The following DNAH9 variants were observed in gnomAD, a reference collection of about 807,000 sequenced individuals.
DNAH9 encodes dynein axonemal heavy chain 9, also known as DNAH9 variant protein.
In DNAH9, 345 loss-of-function variants were observed where a neutral mutation model predicts 471.6. The ratio of observed to expected loss-of-function variants is 0.73; its 90% CI spans 0.67 to 0.80. DNAH9 has a LOEUF of 0.80. DNAH9 is among the 30% of genes least tolerant of loss of function. DNAH9 has a pLI of 0.00. For synonymous variants in DNAH9, 2,093 were observed against 2,123.6 expected, an observed-to-expected ratio of 0.99 and a Z score of 0.40; for missense variants, 5,407 against 5,609.2, an observed-to-expected ratio of 0.96 and a Z score of 1.15.
chr17:11,956,208 CA>C (rs1975630105), intron 67 of DNAH9, among the ~76,000 whole-genome samples: 1 of 152,008 alleles, frequency 6.6e-6, no homozygotes, highest in Non-Finnish European at 1.5e-5. Flanking sequence ...ATATAAAAAT[CA>C]AACTAACTAT....
In DNAH9 at chr17:11,742,169, A is replaced by G; in HGVS notation, c.5973-6A>G. On this transcript the variant is annotated splice_region_variant and splice_polypyrimidine_tract_variant and intron_variant, in intron 29 of 68. Transcript: ENST00000262442. ...CTGACTGGGCCTTCTGTCTTTCTAT[A>G]CTCAGGCCTTGTGCAATGGTGGTTC... is the stretch of plus-strand genomic sequence containing the variant. 1.2e-6 allele frequency: 2 copies of G among 1,613,798 alleles called. No individual in the cohort carries two copies. The highest frequency in any genetic ancestry group is 1.7e-6 in the Non-Finnish European group (2 of 1,179,816).
intron 48 of DNAH9, among the ~76,000 whole-genome samples, chr17:11,827,237 G>A (rs1402689052): frequency 6.6e-6 from 1 of 152,160 alleles, no homozygotes; most frequent in Non-Finnish European, 1.5e-5. Context: ...ACTATGTGAG[G>A]CCATTCTTGC....
chr17:11,705,578 A>T (rs944649610), intron 26 of DNAH9: 6 of 177,544 alleles, frequency 3.4e-5, no homozygotes, highest in African/African-American at 1.4e-4. Context: ...TAACGTTGGG[A>T]GGGAGAGTAG....
intron 51 of DNAH9, among the ~76,000 whole-genome samples, chr17:11,871,324 A>G (rs1173926521): frequency 1.3e-5 from 2 of 152,230 alleles, no homozygotes; most frequent in Non-Finnish European, 2.9e-5. Context: ...CAACCCTTTG[A>G]TTAAGTGGTA....
intron 43 of DNAH9, among the ~76,000 whole-genome samples, chr17:11,800,890 A>G (rs1363234339): frequency 6.6e-6 from 1 of 152,178 alleles, no homozygotes; most frequent in Non-Finnish European, 1.5e-5. Flanking sequence ...ACTGCTTAGC[A>G]TGTTATATGA....
chr17:11,948,292 G>C (rs1172454436), intron 67 of DNAH9, among the ~76,000 whole-genome samples: 1 of 133,024 alleles, frequency 7.5e-6, no homozygotes, highest in Non-Finnish European at 1.5e-5. Context: ...GCAGTGACAC[G>C]ATCTCGGCTC....
chr17:11,641,810 T>C (rs2073278699), intron 10 of DNAH9, among the ~76,000 whole-genome samples: 1 of 152,196 alleles, frequency 6.6e-6, no homozygotes, highest in Admixed American at 6.5e-5. Flanking sequence ...CAGGAATTTA[T>C]AGAGATCCTT....
chr17:11,803,043 G>A lies in DNAH9; in HGVS notation c.8421-4689G>A, dbSNP rs996962033. 5.3e-5 allele frequency among the ~76,000 whole-genome samples: 8 copies of A among 152,312 alleles called. No homozygotes were observed. The South Asian group carries it at 1.0e-3, about 20-fold the overall frequency. ...TTAGGATATTAAGAATGCCTGCATC[G>A]TAGGGTTGTTGCTATCTATGCAAAG... On this transcript the variant is annotated intron_variant, in intron 43 of 68. Transcript: ENST00000262442.
chr17:11,723,243 C>G (rs1344207817), intron 27 of DNAH9: 2 of 152,254 alleles, frequency 1.3e-5, no homozygotes, highest in Non-Finnish European at 2.9e-5. Flanking sequence ...GATTCCCCAC[C>G]ATCAGGAAGG....
At chr17:11,618,033 C>G (rs1370161853) in intron 5 of DNAH9, among the ~76,000 whole-genome samples, 1 of 152,174 alleles carries the variant, frequency 6.6e-6, no homozygotes, top group African/African-American at 2.4e-5. Context: ...CACTTCTGTG[C>G]CAGGACAAAT....
intron 49 of DNAH9, among the ~76,000 whole-genome samples, chr17:11,848,375 A>C (rs113791880): frequency 6.6e-6 from 1 of 152,152 alleles, no homozygotes; most frequent in African/African-American, 2.4e-5. Context: ...AATTAAACCA[A>C]TATTGTGATC....
rs1478870504 is a variant in DNAH9 at position 11,598,613 on chromosome 17, G to T, written c.115G>T (p.Ala39Ser). ...GTYVAMSLRP[A>S]AGAWERCAGS... ...CTACGTGGCCATGAGCCTGCGGCCG[G>T]CTGCGGGCGCCTGGGAGCGTTGCGC... The change falls in exon 1 of 69, where the codon GCT (alanine) becomes TCT (serine). Residue 39 changes from alanine to serine, a missense_variant. Coordinates refer to ENST00000262442, the MANE Select transcript of DNAH9 (RefSeq NM_001372.4). The T allele has an allele frequency of 1.5e-6, 2 of 1,343,778 alleles. No individual in the cohort carries two copies. Among genetic ancestry groups the T allele is most frequent in the Non-Finnish European group, 1.9e-6 (2 of 1,052,092 alleles). 83.2% of individuals were successfully genotyped at this position (1,343,778 alleles called of 1,614,324 possible).
At position 11,679,928 on chromosome 17, in the gene DNAH9, G is replaced by A. The variant is rs8070788; in HGVS notation, c.3525G>A (p.Leu1175=). The change falls in exon 18 of 69, where the codon TTG becomes TTA. Residue 1175 remains leucine, a synonymous_variant. Coordinates refer to ENST00000262442, the MANE Select transcript of DNAH9 (RefSeq NM_001372.4). ...AGCCCTTAAAGCAGACTATTGAATT[G>A]CTGAAGACCTATGAACAAGAATTGC... ...MFEPLKQTIE[L]LKTYEQELPE... is the part of the protein sequence containing the mutation. 3,247 of 1,614,096 alleles carry A rather than the reference G, an allele frequency of 2.0e-3. 74 individuals carry two copies. The African/African-American group carries it at 0.039, about 19-fold the overall frequency.
At chr17:11,810,432 G>C in intron 45 of DNAH9, 63 bp downstream of exon 45, 1 of 1,560,280 alleles carries the variant, frequency 6.4e-7, no homozygotes, top group Non-Finnish European at 8.7e-7. Context: ...GTTATACAAA[G>C]GTGAAGATTT....
Position 11,680,879 on chromosome 17 carries a change from G to A in DNAH9, c.3733G>A (p.Ala1245Thr), listed in dbSNP as rs961550357. The A allele has an allele frequency of 1.9e-6, 3 of 1,610,648 alleles. No individual in the cohort carries two copies. Among genetic ancestry groups the A allele is most frequent in the Non-Finnish European group, 2.5e-6 (3 of 1,178,630 alleles). ...QQFWEQFHKEAPFRFDSIHPH... is the reference protein window; with the variant it reads ...QQFWEQFHKETPFRFDSIHPH... ...ATTCTGGGAGCAATTCCACAAAGAAGCCCCGTTCAGGTATGGGCCGAACAC... is the reference window on the plus strand; with the variant it reads ...ATTCTGGGAGCAATTCCACAAAGAAACCCCGTTCAGGTATGGGCCGAACAC... The change falls in exon 19 of 69, where the codon GCC becomes ACC. Residue 1245 changes from alanine (A) to threonine (T), a missense_variant. Physicochemically the swap from Ala to Thr is moderately conservative, Grantham distance 58. This residue lies in a region of DNAH9 where 4,636 missense variants were observed against 4,900.3 expected (regional missense o/e 0.95). Coordinates refer to ENST00000262442, the MANE Select transcript of DNAH9 (RefSeq NM_001372.4).
At chr17:11,617,702 C>T (rs1485679911) in intron 5 of DNAH9, 80 bp downstream of exon 5, 2 of 1,007,676 alleles carry the variant, frequency 2.0e-6, no homozygotes, top group East Asian at 4.8e-5. Context: ...AGACAAGTGT[C>T]CTTTTTTCTG....
At chr17:11,622,968 C>CTTTTTTTTTTTTTTT (rs10551080) in intron 6 of DNAH9, among the ~76,000 whole-genome samples, 19 of 105,354 alleles carry the variant, frequency 1.8e-4, no homozygotes, top group African/African-American at 3.4e-4. Flanking sequence ...TTTTCTTTTT[C>CTTTTTTTTTTTTTTT]TTTTTTTTTT....
chr17:11,710,959 T>C (rs908335866), intron 26 of DNAH9, among the ~76,000 whole-genome samples: 3 of 152,200 alleles, frequency 2.0e-5, no homozygotes, highest in Admixed American at 6.5e-5. Context: ...CTAGGAGATA[T>C]CAGGGTTTAA....
At chr17:11,857,412 G>A (rs1019696467) in intron 50 of DNAH9, among the ~76,000 whole-genome samples, 1 of 152,108 alleles carries the variant, frequency 6.6e-6, no homozygotes, top group African/African-American at 2.4e-5. Context: ...TAATAACACA[G>A]GAGATGGGCT....
Sources: gnomAD v4.1 joint callset for allele counts (sites outside exome capture counted in the v4.1 genomes callset) on GRCh38, gnomAD v4.1.1 for gene constraint, gnomAD v4.1.1 regional missense constraint, MANE v1.5 for transcripts, NCBI Gene and HGNC (gene_info 2026-07-23, HGNC 2026-07-21) for gene names.